The following MAN1A1 variants were observed in gnomAD, a reference collection of about 807,000 sequenced individuals.
The protein encoded by MAN1A1 is mannosyl-oligosaccharide 1,2-alpha-mannosidase IA.
In MAN1A1, 29 loss-of-function variants were observed where a neutral mutation model predicts 70.8. The observed-to-expected ratio is 0.41, with a 90% CI of 0.31 to 0.56. The LOEUF (loss-of-function observed/expected upper bound fraction) is 0.56. MAN1A1 is among the 20% of genes least tolerant of loss of function. The pLI is 0.29. For missense variants in MAN1A1, 747 were observed against 841.3 expected (o/e 0.89, Z 1.39); for synonymous variants, 349 against 330.1 (o/e 1.06, Z -0.62).
chr6:119,285,554 T>C (rs1476740108), intron 5 of MAN1A1, among the ~76,000 whole-genome samples: 1 of 152,174 alleles, frequency 6.6e-6, no homozygotes, highest in Non-Finnish European at 1.5e-5. Flanking sequence ...TTCTTCACTG[T>C]ATGGGATTAA....
intron 1 of MAN1A1, 51 bp downstream of exon 1, chr6:119,349,491 G>A (rs1647181336): frequency 1.0e-6 from 1 of 972,744 alleles, no homozygotes; most frequent in African/African-American, 1.7e-5. Context: ...GGTGTCCCGC[G>A]CAGGAAGGGG....
intron 6 of MAN1A1, among the ~76,000 whole-genome samples, chr6:119,244,781 G>A (rs576837127): frequency 6.6e-6 from 1 of 152,070 alleles, no homozygotes; most frequent in Non-Finnish European, 1.5e-5. Context: ...AATTACATGT[G>A]TGAGTGTGTA....
At chr6:119,250,321 T>C (rs1021498827) in intron 5 of MAN1A1, among the ~76,000 whole-genome samples, 2 of 152,204 alleles carry the variant, frequency 1.3e-5, no homozygotes, top group African/African-American at 4.8e-5. Context: ...TATGGCACAG[T>C]TGAGGGCTTT....
chr6:119,221,388 A>G lies in MAN1A1; in HGVS notation c.993-16506T>C, dbSNP rs1774355123. Among the ~76,000 whole-genome samples, 3 of 151,482 alleles carry G rather than the reference A, an allele frequency of 2.0e-5. No homozygotes were observed. The East Asian group carries it at 5.8e-4, about 29-fold the overall frequency. On this transcript the variant is annotated intron_variant, in intron 6 of 12. Coordinates refer to ENST00000368468, the MANE Select transcript of MAN1A1 (RefSeq NM_005907.4). ...CATATACTGACAAATATGAATAGAT[A>G]TCTTCCTCATGTTACCTAATACTAG... is the stretch of plus-strand genomic sequence containing the variant.
intron 4 of MAN1A1, among the ~76,000 whole-genome samples, chr6:119,301,172 G>A (rs1314772607): frequency 6.6e-6 from 1 of 152,188 alleles, no homozygotes; most frequent in African/African-American, 2.4e-5. Flanking sequence ...CTGCAAAGTA[G>A]TCTCAGATTA....
intron 5 of MAN1A1, among the ~76,000 whole-genome samples, chr6:119,265,092 C>T (rs759400259): frequency 8.0e-6 from 1 of 124,888 alleles, no homozygotes; most frequent in African/African-American, 2.9e-5. Flanking sequence ...CTTTTAAGTG[C>T]CTTTTTTAAA....
rs569337686 is a variant in MAN1A1, at chr6:119,274,613, C to T, written c.897+16070G>A. Among the ~76,000 whole-genome samples the T allele has an allele frequency of 5.9e-5, 9 of 152,232 alleles. No individual in the cohort carries two copies. The East Asian group carries it at 1.7e-3, about 29-fold the overall frequency. On this transcript the variant is annotated intron_variant, in intron 5 of 12. Transcript: ENST00000368468. ...TCTACCTCATTCAGTGTCTCAACTACCTCAACTACTACCATTTTCAATATG... is the reference window on the plus strand; with the variant it reads ...TCTACCTCATTCAGTGTCTCAACTATCTCAACTACTACCATTTTCAATATG...
chr6:119,187,340 G>C (rs1773318242), intron 11 of MAN1A1, among the ~76,000 whole-genome samples: 1 of 152,006 alleles, frequency 6.6e-6, no homozygotes, highest in Non-Finnish European at 1.5e-5. Context: ...CCAAAGTTTA[G>C]AAAAGCTTCA....
rs151080588 is a variant in MAN1A1 at position 119,194,679 on chromosome 6, G to A, written c.1211-787C>T. Among the ~76,000 whole-genome samples the A allele has an allele frequency of 2.3e-4, 35 of 152,096 alleles. No homozygotes were observed. In the East Asian group the frequency reaches 4.2e-3, roughly 18 times the overall value. ...TGAATCTGAAGGGTCAAATACCTAT[G>A]GGACAGGGGCAGTCAGAAAGGATAT... On this transcript the variant is annotated intron_variant, in intron 8 of 12. Coordinates refer to ENST00000368468, the MANE Select transcript of MAN1A1 (RefSeq NM_005907.4).
intron 6 of MAN1A1, among the ~76,000 whole-genome samples, chr6:119,218,174 T>G (rs1177881356): frequency 6.6e-6 from 1 of 152,168 alleles, no homozygotes; most frequent in African/African-American, 2.4e-5. Flanking sequence ...TTTTCTTGAT[T>G]TGTTGTCTTT....
chr6:119,344,401 G>A (rs1010635036), intron 2 of MAN1A1, among the ~76,000 whole-genome samples: 3 of 152,168 alleles, frequency 2.0e-5, no homozygotes, highest in African/African-American at 7.2e-5. Context: ...TACTTAAACT[G>A]TTGAAAACTA....
chr6:119,291,847 T>C (rs1045136265), intron 4 of MAN1A1, among the ~76,000 whole-genome samples: 4 of 152,048 alleles, frequency 2.6e-5, no homozygotes, highest in Admixed American at 1.3e-4. Context: ...AATAATAGCT[T>C]GCTTTTATTA....
Position 119,209,090 on chromosome 6 carries a change from C to CAAA in MAN1A1, c.993-4211_993-4209dup, listed in dbSNP as rs34328766. Among the ~76,000 whole-genome samples, 249 of 88,892 alleles carry CAAA rather than the reference C, an allele frequency of 2.8e-3. 4 individuals carry two copies. Among genetic ancestry groups the CAAA allele is most frequent in the Middle Eastern group, 6.7e-3 (1 of 150 alleles). 58.3% of individuals were successfully genotyped at this position (88,892 alleles called of 152,430 possible). A position where few individuals can be genotyped will look rare whatever the true frequency, so the allele number is the denominator to read the frequency against. On this transcript the variant is annotated intron_variant, in intron 6 of 12. Coordinates refer to ENST00000368468, the MANE Select transcript of MAN1A1 (RefSeq NM_005907.4). The stretch of plus-strand genomic sequence containing the variant: ...AGGGTGATAGAGTAAGACCCCGTCT[C>CAAA]AAAAAAAAAAAAAAAAAAAGGTATA...
chr6:119,250,930 A>G (rs1269742706), intron 5 of MAN1A1, among the ~76,000 whole-genome samples: 3 of 152,168 alleles, frequency 2.0e-5, no homozygotes, highest in African/African-American at 7.2e-5. Flanking sequence ...CCCCAGCTCT[A>G]TCACTGACAT....
intron 5 of MAN1A1, among the ~76,000 whole-genome samples, chr6:119,256,766 C>T (rs745457629): frequency 7.9e-5 from 12 of 152,118 alleles, no homozygotes; most frequent in Admixed American, 2.0e-4. Context: ...AATGGGAACA[C>T]TCGATAAGAC....
intron 5 of MAN1A1, among the ~76,000 whole-genome samples, chr6:119,273,608 T>G (rs1011521370): frequency 1.3e-5 from 2 of 152,206 alleles, no homozygotes; most frequent in Admixed American, 1.3e-4. Context: ...TTATTTCCTT[T>G]GGATAGATTC....
chr6:119,199,598 T>C (rs1170969558), intron 8 of MAN1A1, among the ~76,000 whole-genome samples: 1 of 152,142 alleles, frequency 6.6e-6, no homozygotes. Flanking sequence ...AGTATCCTTT[T>C]TTAAAATGCT....
At chr6:119,278,923 G>C (rs1207789241) in intron 5 of MAN1A1, among the ~76,000 whole-genome samples, 1 of 152,032 alleles carries the variant, frequency 6.6e-6, no homozygotes, top group Admixed American at 6.6e-5. Flanking sequence ...AGCAGATGCT[G>C]GAGCCTTGCT....
intron 2 of MAN1A1, among the ~76,000 whole-genome samples, chr6:119,321,202 T>C (rs1208676725): frequency 1.3e-5 from 2 of 152,218 alleles, no homozygotes; most frequent in African/African-American, 2.4e-5. Context: ...TCTTCTACTA[T>C]CGATTTCCAT....
Sources: allele counts gnomAD v4.1 joint callset (sites outside exome capture counted in the v4.1 genomes callset), GRCh38; gene constraint gnomAD v4.1.1; transcripts MANE v1.5; gene names NCBI Gene and HGNC (gene_info 2026-07-23, HGNC 2026-07-21).